Variants in TNIK observed in about 807,000 individuals in gnomAD.
TNIK encodes TRAF2 and NCK-interacting protein kinase.
In TNIK, 49 loss-of-function variants were observed where a neutral mutation model predicts 191.3. The observed-to-expected ratio is 0.26, with a 90% CI of 0.20 to 0.32. TNIK has a LOEUF of 0.32. Among genes scored for constraint, TNIK ranks in the 10% least tolerant of loss-of-function variants. The pLI, the probability that TNIK is intolerant of heterozygous loss-of-function variation, is 1.00. For synonymous variants in TNIK, 594 were observed against 600.9 expected, an observed-to-expected ratio of 0.99 and a Z score of 0.17; for missense variants, 1,155 against 1,702.3, an observed-to-expected ratio of 0.68 and a Z score of 5.66.
At chr3:171,297,837 G>T (rs1560391796) in intron 2 of TNIK, among the ~76,000 whole-genome samples, 1 of 152,136 alleles carries the variant, frequency 6.6e-6, no homozygotes, top group African/African-American at 2.4e-5. Context: ...ATCAGAGAAA[G>T]AAAAAGTATA....
intron 6 of TNIK, among the ~76,000 whole-genome samples, chr3:171,189,615 A>G (rs1231577005): frequency 6.6e-6 from 1 of 152,192 alleles, no homozygotes; most frequent in East Asian, 1.9e-4. Flanking sequence ...GGGCTAGTAG[A>G]TCAACCTCTC....
At chr3:171,452,769 CACAT>C (rs1173389841) in intron 1 of TNIK, among the ~76,000 whole-genome samples, 66 of 143,362 alleles carry the variant, frequency 4.6e-4, no homozygotes, top group East Asian at 2.2e-3. Flanking sequence ...CACACACACA[CACAT>C]ACGCCTTGCA....
At chr3:171,411,719 C>G (rs1035446783) in intron 1 of TNIK, among the ~76,000 whole-genome samples, 2 of 152,176 alleles carry the variant, frequency 1.3e-5, no homozygotes, top group Non-Finnish European at 2.9e-5. Context: ...GAAATCAATA[C>G]TACTAGTACC....
chr3:171,140,795 A>C (rs1730714352), intron 12 of TNIK, among the ~76,000 whole-genome samples: 1 of 152,154 alleles, frequency 6.6e-6, no homozygotes, highest in Non-Finnish European at 1.5e-5. Context: ...GAGGGTTTTC[A>C]AGTCAGGCGT....
Position 171,069,027 on chromosome 3 carries a change from T to C in TNIK, c.3550-30A>G, listed in dbSNP as rs374385926. On this transcript the variant is annotated intron_variant, in intron 29 of 32. Transcript: ENST00000436636. ...AAAAATCACCCCATTAGTATCCGCA[T>C]CACTCAAAGAGGCATCTTAATTTTT... 8.2e-6 allele frequency: 13 copies of C among 1,595,010 alleles called. No individual in the cohort carries two copies. In the African/African-American group the frequency reaches 1.6e-4, roughly 20 times the overall value.
intron 2 of TNIK, among the ~76,000 whole-genome samples, chr3:171,344,518 T>C (rs1174903709): frequency 1.3e-5 from 2 of 152,126 alleles, no homozygotes; most frequent in African/African-American, 4.8e-5. Flanking sequence ...AAAGCTGTAT[T>C]AATATCACAC....
intron 2 of TNIK, among the ~76,000 whole-genome samples, chr3:171,350,081 T>C (rs1335032061): frequency 1.3e-5 from 2 of 150,960 alleles, no homozygotes; most frequent in Non-Finnish European, 3.0e-5. Context: ...TTATAGCAAA[T>C]GTTTTTGAGG....
chr3:171,167,923 ATATAAG>A (rs1369114543), intron 9 of TNIK, among the ~76,000 whole-genome samples: 2 of 152,316 alleles, frequency 1.3e-5, no homozygotes, highest in Admixed American at 6.5e-5. Flanking sequence ...GAATAAGAAC[ATATAAG>A]TATATGTGTA....
rs1178410543 is a variant in TNIK, at chr3:171,366,522, A to C, written c.123+3098T>G. 6.6e-6 allele frequency among the ~76,000 whole-genome samples: 1 copy of C among 152,104 alleles called. No homozygotes were observed. The highest frequency in any genetic ancestry group is 1.5e-5 in the Non-Finnish European group (1 of 68,012). On this transcript the variant is annotated intron_variant, in intron 2 of 32. Transcript: ENST00000436636. This position sits in a 1 kb window ranked among gnomAD's most constrained non-coding sequence, Gnocchi z 4.1. ...ACATATACTTTTTATTTATTATATT[A>C]AGTATGTTTCTTTAAAACTACCTGT...
chr3:171,228,561 ATC>A (rs1743224778), intron 2 of TNIK, among the ~76,000 whole-genome samples: 2 of 152,372 alleles, frequency 1.3e-5, no homozygotes, highest in South Asian at 2.1e-4. Context: ...ATACACAAGT[ATC>A]TCTCTGTTAG....
chr3:171,063,601 C>T lies in TNIK; in HGVS notation c.*280G>A, dbSNP rs191019958. Reference sequence around the variant, plus strand: ...AAGAGCACACAATATTTGTTTCTATCCCTAATTCCGAAGGGCACATGGTCC... The same window carrying T: ...AAGAGCACACAATATTTGTTTCTATTCCTAATTCCGAAGGGCACATGGTCC... On this transcript the variant is annotated 3_prime_UTR_variant, in exon 33 of 33. Transcript: ENST00000436636. The T allele has an allele frequency of 4.1e-4, 131 of 320,504 alleles. No individual in the cohort carries two copies. Among genetic ancestry groups the T allele is most frequent in the Admixed American group, 3.5e-3 (74 of 21,316 alleles). The allele number at this position is 320,504 out of a possible 1,614,324, so 19.9% of individuals were successfully genotyped here.
At chr3:171,282,236 GCA>G (rs1316382143) in intron 2 of TNIK, among the ~76,000 whole-genome samples, 2 of 151,798 alleles carry the variant, frequency 1.3e-5, no homozygotes, top group African/African-American at 4.8e-5. Flanking sequence ...AGAAGAGCCA[GCA>G]CAGAGTATTT....
chr3:171,373,330 T>C (rs547821938), intron 1 of TNIK, among the ~76,000 whole-genome samples: 2 of 152,188 alleles, frequency 1.3e-5, no homozygotes, highest in African/African-American at 4.8e-5. Flanking sequence ...TACCTCTTAG[T>C]CTCTCTCACA....
chr3:171,394,188 C>T (rs1225382083), intron 1 of TNIK, among the ~76,000 whole-genome samples: 1 of 152,170 alleles, frequency 6.6e-6, no homozygotes, highest in East Asian at 1.9e-4. Context: ...CCAATGAATT[C>T]CCTTTACCTA....
intron 10 of TNIK, among the ~76,000 whole-genome samples, chr3:171,165,786 T>C (rs1237810173): frequency 6.6e-6 from 1 of 152,116 alleles, no homozygotes; most frequent in Non-Finnish European, 1.5e-5. Context: ...CTGTTAATGC[T>C]CAGCTTTCCA....
At chr3:171,444,774 T>C (rs115481524) in intron 1 of TNIK, among the ~76,000 whole-genome samples, 2,532 of 152,330 alleles carry the variant, frequency 0.017, 68 homozygotes, top group African/African-American at 0.058. Flanking sequence ...TGAGGTCATA[T>C]GCCTTATGAA....
chr3:171,235,379 T>A (rs1744132887), intron 2 of TNIK, among the ~76,000 whole-genome samples: 1 of 152,162 alleles, frequency 6.6e-6, no homozygotes, highest in Non-Finnish European at 1.5e-5. Context: ...CTGGGAGGAC[T>A]AACCCCCCTA....
At chr3:171,381,105 G>C (rs1377839622) in intron 1 of TNIK, among the ~76,000 whole-genome samples, 1 of 151,958 alleles carries the variant, frequency 6.6e-6, no homozygotes, top group Non-Finnish European at 1.5e-5. Flanking sequence ...CACCGTGAAG[G>C]ACATACAAAT....
intron 2 of TNIK, among the ~76,000 whole-genome samples, chr3:171,342,894 TAGTG>T (rs1040312724): frequency 1.8e-4 from 27 of 152,128 alleles, no homozygotes; most frequent in African/African-American, 5.1e-4. Flanking sequence ...GTTCTTGTAA[TAGTG>T]AGTAAGTCTC....
Sources: gnomAD v4.1 joint callset for allele counts (sites outside exome capture counted in the v4.1 genomes callset) on GRCh38, gnomAD v4.1.1 for gene constraint, Gnocchi (gnomAD v3.1) non-coding constraint, MANE v1.5 for transcripts, NCBI Gene and HGNC (gene_info 2026-07-23, HGNC 2026-07-21) for gene names.